WWOX: variants seen among roughly 807,000 people sequenced by gnomAD.
WWOX encodes the protein WW domain-containing oxidoreductase.
In WWOX, 69 loss-of-function variants were observed where a neutral mutation model predicts 46.2. The ratio of observed to expected loss-of-function variants is 1.49; its 90% CI spans 1.23 to 1.82. WWOX has a LOEUF of 1.82. WWOX is among the 40% of genes most tolerant of loss of function. WWOX has a pLI of 0.00. For synonymous variants in WWOX, 359 were observed against 202.6 expected (o/e 1.77, Z -6.56); for missense variants, 919 against 542.6 (o/e 1.69, Z -6.89).
At chr16:78,949,017 G>C (rs572558095) in intron 8 of WWOX, among the ~76,000 whole-genome samples, 31 of 152,078 alleles carry the variant, frequency 2.0e-4, no homozygotes, top group Non-Finnish European at 4.1e-4. Context: ...AAATATGGGC[G>C]GCCCTCAGAA....
At chr16:78,771,833 G>C (rs1411404017) in intron 8 of WWOX, among the ~76,000 whole-genome samples, 1 of 151,868 alleles carries the variant, frequency 6.6e-6, no homozygotes, top group Non-Finnish European at 1.5e-5. Flanking sequence ...TCACAGCAAA[G>C]GTGAGCTTTA....
intron 8 of WWOX, among the ~76,000 whole-genome samples, chr16:78,920,305 T>A (rs2045349613): frequency 1.3e-5 from 2 of 152,192 alleles, no homozygotes. Flanking sequence ...GGCAGGGATG[T>A]GTAATCTCCC....
intron 8 of WWOX, among the ~76,000 whole-genome samples, chr16:78,433,480 A>C (rs1244444590): frequency 6.6e-6 from 1 of 152,212 alleles, no homozygotes; most frequent in Non-Finnish European, 1.5e-5. Flanking sequence ...TTATTTTTCA[A>C]AACCAAAGGA....
chr16:78,512,116 G>A (rs1243527912), intron 8 of WWOX, among the ~76,000 whole-genome samples: 1 of 152,124 alleles, frequency 6.6e-6, no homozygotes, highest in Admixed American at 6.6e-5. Context: ...ATTTTAAAAC[G>A]CTGGAAAAAT....
chr16:78,903,225 C>G lies in WWOX; in HGVS notation c.1057-308383C>G, dbSNP rs561262402. Among the ~76,000 whole-genome samples the G allele has an allele frequency of 2.2e-4, 34 of 152,242 alleles. No homozygotes were observed. The South Asian group carries it at 5.4e-3, about 24-fold the overall frequency. On this transcript the variant is annotated intron_variant, in intron 8 of 8. Transcript: ENST00000566780. ...ACACCCCTTATAAATGAAGTGGTGG[C>G]CTGCAATCAGTCTTATTGGTTGCAG...
At chr16:78,371,742 T>C (rs765754674) in intron 5 of WWOX, among the ~76,000 whole-genome samples, 1 of 152,224 alleles carries the variant, frequency 6.6e-6, no homozygotes, top group African/African-American at 2.4e-5. Context: ...TATGTTAATA[T>C]TTGCTATACT....
intron 8 of WWOX, among the ~76,000 whole-genome samples, chr16:78,623,560 G>T (rs1049062125): frequency 6.6e-6 from 1 of 151,976 alleles, no homozygotes; most frequent in African/African-American, 2.4e-5. Context: ...CATGCTTGTA[G>T]TCCCAGCGAC....
At chr16:78,487,057 A>T (rs2084656044) in intron 8 of WWOX, among the ~76,000 whole-genome samples, 1 of 152,172 alleles carries the variant, frequency 6.6e-6, no homozygotes, top group South Asian at 2.1e-4. Context: ...TACATGCCAG[A>T]TGATTCTGTT....
intron 8 of WWOX, among the ~76,000 whole-genome samples, chr16:78,652,456 C>T (rs1039624845): frequency 6.6e-6 from 1 of 150,972 alleles, no homozygotes. Flanking sequence ...TGTTTGGAAG[C>T]CATGTCCCAT....
At chr16:79,166,630 G>A (rs1597438868) in intron 8 of WWOX, among the ~76,000 whole-genome samples, 1 of 152,150 alleles carries the variant, frequency 6.6e-6, no homozygotes, top group East Asian at 1.9e-4. Context: ...TGCAATCCAA[G>A]TTTAGGAAGC....
rs187063643 is a variant in WWOX at position 78,222,271 on chromosome 16, C to T, written c.516+57982C>T. On this transcript the variant is annotated intron_variant, in intron 5 of 8. Coordinates refer to ENST00000566780, the MANE Select transcript of WWOX (RefSeq NM_016373.4). ...AGTGTTTTCCAGTTCATTTCCAACG[C>T]GTATTTCTTCAGGGCCAAGGGCCCA... Among the ~76,000 whole-genome samples, 10 of 150,638 alleles carry T rather than the reference C, an allele frequency of 6.6e-5. No homozygotes were observed. In the East Asian group the frequency reaches 9.9e-4, roughly 15 times the overall value.
chr16:79,027,308 G>A (rs1320124365), intron 8 of WWOX, among the ~76,000 whole-genome samples: 1 of 150,750 alleles, frequency 6.6e-6, no homozygotes, highest in Non-Finnish European at 1.5e-5. Context: ...AGAGATGGTG[G>A]AGTGGTGACA....
At chr16:78,257,202 T>C (rs927674306) in intron 5 of WWOX, among the ~76,000 whole-genome samples, 1 of 152,078 alleles carries the variant, frequency 6.6e-6, no homozygotes, top group Non-Finnish European at 1.5e-5. Flanking sequence ...GTTTTTCTAA[T>C]CTTCTAGTAA....
intron 8 of WWOX, among the ~76,000 whole-genome samples, chr16:78,546,667 A>G (rs2044040444): frequency 6.6e-6 from 1 of 152,210 alleles, no homozygotes; most frequent in Non-Finnish European, 1.5e-5. Context: ...TAGTACATTC[A>G]GGATGGGGTC....
chr16:78,947,059 C>A, intron 8 of WWOX, among the ~76,000 whole-genome samples: 1 of 148,556 alleles, frequency 6.7e-6, no homozygotes, highest in African/African-American at 2.5e-5. Context: ...AAGAAAGTTT[C>A]TTTTTTTAAA....
chr16:78,954,897 C>T (rs1162774464), intron 8 of WWOX, among the ~76,000 whole-genome samples: 1 of 152,108 alleles, frequency 6.6e-6, no homozygotes, highest in Non-Finnish European at 1.5e-5. Flanking sequence ...TCAAGAGATC[C>T]TCCTGCCTCA....
At chr16:79,071,581 C>T (rs757004098) in intron 8 of WWOX, among the ~76,000 whole-genome samples, 1 of 152,234 alleles carries the variant, frequency 6.6e-6, no homozygotes, top group Non-Finnish European at 1.5e-5. Context: ...GCTTCACTGG[C>T]TCTCTGCCAG....
chr16:78,715,827 A>C (rs376431187), intron 8 of WWOX, among the ~76,000 whole-genome samples: 11 of 151,636 alleles, frequency 7.3e-5, no homozygotes, highest in African/African-American at 2.2e-4. Context: ...GAATCTATCA[A>C]CTCCCTTCTG....
At chr16:78,769,484 T>C (rs908725911) in intron 8 of WWOX, among the ~76,000 whole-genome samples, 1 of 151,984 alleles carries the variant, frequency 6.6e-6, no homozygotes, top group African/African-American at 2.4e-5. Context: ...CAGATGGAGA[T>C]AAAATGGGTA....
Sources: allele counts gnomAD v4.1 joint callset (sites outside exome capture counted in the v4.1 genomes callset), GRCh38; gene constraint gnomAD v4.1.1; transcripts MANE v1.5; gene names NCBI Gene and HGNC (gene_info 2026-07-23, HGNC 2026-07-21).